RTN3: variants seen among roughly 807,000 people sequenced by gnomAD.
The protein encoded by RTN3 is reticulon 3.
Under a neutral mutation model 77.8 loss-of-function variants are expected in RTN3, and 49 were observed. The ratio of observed to expected loss-of-function variants is 0.63; its 90% CI spans 0.50 to 0.80. The LOEUF (loss-of-function observed/expected upper bound fraction) is 0.80. Among genes scored for constraint, RTN3 ranks in the 30% least tolerant of loss-of-function variants. The pLI is 0.00. For synonymous variants in RTN3, 464 were observed against 446.9 expected, an observed-to-expected ratio of 1.04 and a Z score of -0.48; for missense variants, 1,236 against 1,211.9, an observed-to-expected ratio of 1.02 and a Z score of -0.29.
intron 1 of RTN3, among the ~76,000 whole-genome samples, chr11:63,687,253 G>C (rs1173455742): frequency 1.3e-5 from 2 of 152,162 alleles, no homozygotes; most frequent in Non-Finnish European, 2.9e-5. Context: ...TCTTGTGCAA[G>C]TCCTGAGCCT....
intron 3 of RTN3, among the ~76,000 whole-genome samples, chr11:63,749,664 G>A (rs534564442): frequency 3.3e-5 from 5 of 152,240 alleles, no homozygotes; most frequent in East Asian, 1.9e-4. Context: ...AAACCTAATC[G>A]GTGTAGCAGA....
At chr11:63,729,214 A>G (rs2012502188) in intron 3 of RTN3, among the ~76,000 whole-genome samples, 1 of 152,116 alleles carries the variant, frequency 6.6e-6, no homozygotes, top group Admixed American at 6.5e-5. Context: ...GTGATACCAA[A>G]TAAAAACTCA....
In RTN3 at chr11:63,704,857, T is replaced by C. The variant is rs1203028746; in HGVS notation, c.149T>C (p.Phe50Ser). ...GCTGTATATTTTCTTTCAGATTCCT[T>C]TGTTTCTTCCTCTTCCTCTCAGCCT... ...KSCSSSCADSFVSSSSSQPVS... is the reference protein window; with the variant it reads ...KSCSSSCADSSVSSSSSQPVS... The change falls in exon 2 of 9, where the codon TTT becomes TCT. Residue 50 changes from phenylalanine to serine, a missense_variant. Phe to Ser is a radical substitution (Grantham distance 155). This residue lies in a region of RTN3 where 1,056 missense variants were observed against 990.4 expected (regional missense o/e 1.07). Transcript: ENST00000377819. 1 of 1,610,192 alleles carries C rather than the reference T, an allele frequency of 6.2e-7. No homozygotes were observed. Among genetic ancestry groups the C allele is most frequent in the Admixed American group, 1.7e-5 (1 of 59,992 alleles).
rs548048683 is a variant in RTN3, at chr11:63,753,622, C to G, written c.2948-40C>G. On this transcript the variant is annotated intron_variant, in intron 6 of 8. Coordinates refer to ENST00000377819, the MANE Select transcript of RTN3 (RefSeq NM_001265589.2). ...TCTGAGTCTTAAGATGTGACTGTCT[C>G]TCATATACACTTGCCATGTCCCATG... 3.7e-5 allele frequency: 58 copies of G among 1,578,546 alleles called. No homozygotes were observed. In the East Asian group the frequency reaches 1.1e-3, roughly 31 times the overall value.
At position 63,756,152 on chromosome 11, in the gene RTN3, CCAAGT is replaced by C. The variant is rs2014372646; in HGVS notation, c.3039_3043del (p.Lys1013AsnfsTer3). ...TATGTTGGCATCGCCCGAGATCAGA[CCAAGT>C]CAATTGTTGAAAAGTAAGTACATTT... On this transcript the variant is annotated frameshift_variant, in exon 8 of 9. Coordinates refer to ENST00000377819, the MANE Select transcript of RTN3 (RefSeq NM_001265589.2). LOFTEE classifies it high-confidence loss of function. The C allele has an allele frequency of 6.2e-7, 1 of 1,612,742 alleles. No individual in the cohort carries two copies. Among genetic ancestry groups the C allele is most frequent in the African/African-American group, 1.3e-5 (1 of 74,880 alleles).
In RTN3 at chr11:63,685,495, C is replaced by CAA. The variant is rs55888863; in HGVS notation, c.142+3730_142+3731dup. Among the ~76,000 whole-genome samples the CAA allele has an allele frequency of 4.4e-3, 508 of 115,630 alleles. 30 individuals are homozygous for CAA. The highest frequency in any genetic ancestry group is 9.6e-3 in the East Asian group (45 of 4,702). The allele number at this position is 115,630 out of a possible 152,430, so 75.9% of individuals were successfully genotyped here. ...TAGGCGACACAGCAAGACTCCATCT[C>CAA]AAAAAAAAAAAAAAGTTACTGCAAT... On this transcript the variant is annotated intron_variant, in intron 1 of 8. Coordinates refer to ENST00000377819, the MANE Select transcript of RTN3 (RefSeq NM_001265589.2).
Position 63,720,753 on chromosome 11 carries a change from T to A in RTN3, c.2251T>A (p.Leu751Ile), listed in dbSNP as rs776745008. Residue 751 changes from leucine (L) to isoleucine (I), a missense_variant, in exon 3 of 9, where the codon TTA (leucine) becomes ATA (isoleucine). This residue lies in a region of RTN3 where 1,056 missense variants were observed against 990.4 expected (regional missense o/e 1.07). Coordinates refer to ENST00000377819, the MANE Select transcript of RTN3 (RefSeq NM_001265589.2). Reference sequence around the variant, plus strand: ...GCTCACAATTAAGGCTCTTAAAGAATTAGGTGAAAGACAGGTTGAGAAGTC... The same window carrying A: ...GCTCACAATTAAGGCTCTTAAAGAAATAGGTGAAAGACAGGTTGAGAAGTC... ...EQLTIKALKELGERQVEKSTS... is the reference protein window; with the variant it reads ...EQLTIKALKEIGERQVEKSTS... 4 of 1,614,020 alleles carry A rather than the reference T, an allele frequency of 2.5e-6. No homozygotes were observed. The highest frequency in any genetic ancestry group is 3.4e-6 in the Non-Finnish European group (4 of 1,180,038).
chr11:63,710,008 T>G (rs373361293), intron 2 of RTN3, among the ~76,000 whole-genome samples: 1 of 152,244 alleles, frequency 6.6e-6, no homozygotes, highest in Non-Finnish European at 1.5e-5. Flanking sequence ...CTCTTTGATA[T>G]AGGATATAAC....
intron 3 of RTN3, among the ~76,000 whole-genome samples, chr11:63,742,968 A>G (rs749775559): frequency 6.6e-6 from 1 of 151,266 alleles, no homozygotes; most frequent in Non-Finnish European, 1.5e-5. Flanking sequence ...GCAACCTCCA[A>G]CTCCTGGGTT....
At chr11:63,726,825 GCACTAC>G (rs2012304471) in intron 3 of RTN3, among the ~76,000 whole-genome samples, 1 of 150,426 alleles carries the variant, frequency 6.6e-6, no homozygotes, top group Non-Finnish European at 1.5e-5. Context: ...TCATGCCATT[GCACTAC>G]AGCCTGGGTG....
chr11:63,755,381 C>T (rs1252943342), intron 7 of RTN3, among the ~76,000 whole-genome samples: 8 of 152,064 alleles, frequency 5.3e-5, no homozygotes, highest in Admixed American at 3.9e-4. Context: ...TGTGGTGGCT[C>T]ATGTCTGTAA....
At chr11:63,704,623 A>C (rs1002350547) in intron 1 of RTN3, among the ~76,000 whole-genome samples, 1 of 151,894 alleles carries the variant, frequency 6.6e-6, no homozygotes, top group Non-Finnish European at 1.5e-5. Context: ...GTTTGACTAA[A>C]AAAAAAAAAA....
rs2011610670 is a variant in RTN3 at position 63,719,609 on chromosome 11, A to G, written c.1107A>G (p.Glu369=). 6 of 1,613,904 alleles carry G rather than the reference A, an allele frequency of 3.7e-6. No homozygotes were observed. The East Asian group carries it at 1.1e-4, about 30-fold the overall frequency. Residue 369 remains glutamate (E), a synonymous_variant, in exon 3 of 9, where the codon GAA becomes GAG. Coordinates refer to ENST00000377819, the MANE Select transcript of RTN3 (RefSeq NM_001265589.2). Reference sequence around the variant, plus strand: ...AAACTACAGGACTTGACATGAGTGAATATAATTCAGAAATTCCAGTTGTAA... The same window carrying G: ...AAACTACAGGACTTGACATGAGTGAGTATAATTCAGAAATTCCAGTTGTAA... ...ITKTTGLDMS[E]YNSEIPVVNL... is the part of the protein sequence containing the mutation.
At chr11:63,735,550 T>TTCTCCCTCTCTCTC (rs2013034774) in intron 3 of RTN3, among the ~76,000 whole-genome samples, 2 of 42,686 alleles carry the variant, frequency 4.7e-5, no homozygotes, top group East Asian at 6.5e-4. Flanking sequence ...ATTCTAACAT[T>TTCTCCCTCTCTCTC]TCTCTCTCTC....
chr11:63,758,476 C>T lies in RTN3; in HGVS notation c.*275C>T, dbSNP rs1199284156. The T allele has an allele frequency of 6.2e-6, 5 of 810,162 alleles. No homozygotes were observed. In the Admixed American group the frequency reaches 1.6e-4, roughly 25 times the overall value. The allele number at this position is 810,162 out of a possible 1,614,324, so 50.2% of individuals were successfully genotyped here. ...ACCTTAATGGTGGTAGAGCCTTTAC[C>T]TGTAGCTTGAAAGGGGAAAGATTGG... On this transcript the variant is annotated 3_prime_UTR_variant, in exon 9 of 9. Transcript: ENST00000377819.
At chr11:63,742,218 A>T (rs2013526316) in intron 3 of RTN3, among the ~76,000 whole-genome samples, 1 of 150,326 alleles carries the variant, frequency 6.7e-6, no homozygotes, top group Non-Finnish European at 1.5e-5. Flanking sequence ...TGACCTTGTG[A>T]TCCACCTGCC....
At chr11:63,737,149 G>A (rs369317532) in intron 3 of RTN3, among the ~76,000 whole-genome samples, 3 of 150,482 alleles carry the variant, frequency 2.0e-5, no homozygotes, top group Non-Finnish European at 4.5e-5. Flanking sequence ...TTAGAATTCC[G>A]CCTGCCACAA....
At chr11:63,727,270 T>G (rs1452651243) in intron 3 of RTN3, among the ~76,000 whole-genome samples, 4 of 152,156 alleles carry the variant, frequency 2.6e-5, no homozygotes, top group African/African-American at 9.7e-5. Context: ...ATTCACAATG[T>G]CCAGGATATA....
In RTN3 at chr11:63,714,256, A is replaced by G. The variant is rs1459066775; in HGVS notation, c.200-4446A>G. 2.0e-5 allele frequency: 7 copies of G among 347,528 alleles called. No individual in the cohort carries two copies. The East Asian group carries it at 2.3e-4, about 11-fold the overall frequency. The allele number at this position is 347,528 out of a possible 1,614,324, so 21.5% of individuals were successfully genotyped here. A position where few individuals can be genotyped will look rare whatever the true frequency, so the allele number is the denominator to read the frequency against. The stretch of plus-strand genomic sequence containing the variant: ...AAGTTAAAGCACAGATGATGATGCT[A>G]CCTTATTTTTCTACATGTGGGAAAG... On this transcript the variant is annotated intron_variant, in intron 2 of 8. Transcript: ENST00000377819.
Sources: gnomAD v4.1 joint callset for allele counts (sites outside exome capture counted in the v4.1 genomes callset) on GRCh38, gnomAD v4.1.1 for gene constraint, gnomAD v4.1.1 regional missense constraint, MANE v1.5 for transcripts, NCBI Gene and HGNC (gene_info 2026-07-23, HGNC 2026-07-21) for gene names.